Variants in TMEM131 observed in about 807,000 individuals in gnomAD.
TMEM131 encodes the protein transmembrane protein 131.
A neutral mutation model predicts 211.6 loss-of-function variants in TMEM131; 66 were observed. The observed-to-expected ratio is 0.31, with a 90% CI of 0.26 to 0.38. The LOEUF is 0.38. Ranked by LOEUF, TMEM131 falls within the 10% of genes least tolerant of loss-of-function variation. The probability of loss-of-function intolerance (pLI) is 1.00; values close to 1 mark genes in which losing one functional copy is unlikely to be tolerated. For synonymous variants in TMEM131, 844 were observed against 841.3 expected (o/e 1.00, Z -0.06); for missense variants, 2,036 against 2,299.3 (o/e 0.89, Z 2.34).
chr2:97,859,733 T>A (rs1673989456), intron 4 of TMEM131, among the ~76,000 whole-genome samples: 1 of 152,164 alleles, frequency 6.6e-6, no homozygotes, highest in Non-Finnish European at 1.5e-5. Context: ...TTTCTTTCTT[T>A]CTGTACCACC....
intron 31 of TMEM131, among the ~76,000 whole-genome samples, chr2:97,787,221 T>A (rs986551781): frequency 6.6e-6 from 1 of 152,252 alleles, no homozygotes; most frequent in Non-Finnish European, 1.5e-5. Context: ...CACTACATGC[T>A]GTGTAATGAA....
At chr2:97,847,243 C>T (rs1683494995) in intron 5 of TMEM131, among the ~76,000 whole-genome samples, 1 of 152,066 alleles carries the variant, frequency 6.6e-6, no homozygotes, top group Non-Finnish European at 1.5e-5. Context: ...CACATTAGTA[C>T]AGAAGAAAAA....
At chr2:97,853,603 C>A (rs1216942156) in intron 5 of TMEM131, among the ~76,000 whole-genome samples, 1 of 105,182 alleles carries the variant, frequency 9.5e-6, no homozygotes, top group African/African-American at 3.8e-5. Context: ...GAGACCCCGT[C>A]TTGGAAAAAA....
chr2:97,904,040 A>C (rs111445593), intron 3 of TMEM131, among the ~76,000 whole-genome samples: 1 of 152,184 alleles, frequency 6.6e-6, no homozygotes, highest in Non-Finnish European at 1.5e-5. Context: ...AGAAAGACAA[A>C]TCAATAGTTC....
At chr2:97,845,913 A>G (rs1573451404) in intron 5 of TMEM131, among the ~76,000 whole-genome samples, 1 of 152,200 alleles carries the variant, frequency 6.6e-6, no homozygotes, top group Non-Finnish European at 1.5e-5. Flanking sequence ...TTACACACAA[A>G]AAGAATGATA....
intron 5 of TMEM131, among the ~76,000 whole-genome samples, chr2:97,856,144 G>A (rs1205493718): frequency 6.6e-6 from 1 of 152,018 alleles, no homozygotes; most frequent in African/African-American, 2.4e-5. Context: ...AATTGGACTT[G>A]TATAGAATAT....
chr2:97,960,752 CA>C (rs1678778389), intron 1 of TMEM131, among the ~76,000 whole-genome samples: 1 of 152,098 alleles, frequency 6.6e-6, no homozygotes, highest in Non-Finnish European at 1.5e-5. Context: ...CAACAGACTT[CA>C]TTAATGCAGA....
At chr2:97,834,705 T>C (rs767373947) in intron 9 of TMEM131, 28 bp from the exon 10 acceptor site, 1 of 1,595,646 alleles carries the variant, frequency 6.3e-7, no homozygotes, top group South Asian at 1.2e-5. Flanking sequence ...TCAACAATTA[T>C]TTTTCACTTT....
intron 7 of TMEM131, among the ~76,000 whole-genome samples, chr2:97,837,680 T>C (rs1682998701): frequency 6.6e-6 from 1 of 152,212 alleles, no homozygotes; most frequent in Admixed American, 6.5e-5. Flanking sequence ...GCAAAAATAT[T>C]TCTGTGGCTT....
intron 5 of TMEM131, among the ~76,000 whole-genome samples, chr2:97,852,699 C>T (rs772523804): frequency 6.6e-6 from 1 of 152,210 alleles, no homozygotes; most frequent in Non-Finnish European, 1.5e-5. Context: ...CATTGATGAA[C>T]GTGGCCACAC....
At chr2:97,977,106 T>C (rs1679574538) in intron 1 of TMEM131, among the ~76,000 whole-genome samples, 1 of 152,162 alleles carries the variant, frequency 6.6e-6, no homozygotes, top group African/African-American at 2.4e-5. Flanking sequence ...GACCTTGCAT[T>C]AGGCAGAGAT....
chr2:97,980,797 C>A (rs1252068732), intron 1 of TMEM131, among the ~76,000 whole-genome samples: 1 of 151,784 alleles, frequency 6.6e-6, no homozygotes, highest in Non-Finnish European at 1.5e-5. Flanking sequence ...GTAAAATAAA[C>A]CAGTCTTAAA....
intron 1 of TMEM131, among the ~76,000 whole-genome samples, chr2:97,942,126 C>T (rs1677760024): frequency 6.6e-6 from 1 of 151,970 alleles, no homozygotes; most frequent in Non-Finnish European, 1.5e-5. Flanking sequence ...ACATATACAC[C>T]ATGGAATACT....
In TMEM131 at chr2:97,776,033, TAAAGTA is replaced by T; in HGVS notation, c.4145-21_4145-16del. 1 of 1,594,380 alleles carries T rather than the reference TAAAGTA, an allele frequency of 6.3e-7. No individual in the cohort carries two copies. Among genetic ancestry groups the T allele is most frequent in the Non-Finnish European group, 8.5e-7 (1 of 1,174,228 alleles). On this transcript the variant is annotated splice_polypyrimidine_tract_variant and intron_variant, in intron 31 of 40. Coordinates refer to ENST00000186436, the MANE Select transcript of TMEM131 (RefSeq NM_015348.2). ...TTTTCCTTTCCCTGAGGATAAAAAT[TAAAGTA>T]AAAGAACTCTTGTTTTTGTTTCTTT...
At chr2:97,897,368 A>G (rs902674670) in intron 3 of TMEM131, among the ~76,000 whole-genome samples, 2 of 152,124 alleles carry the variant, frequency 1.3e-5, no homozygotes, top group East Asian at 3.8e-4. Flanking sequence ...TTAGAAAGAA[A>G]GCATTCAATC....
rs553587922 is a variant in TMEM131 at position 97,795,237 on chromosome 2, CA to C, written c.3201-123del. The C allele has an allele frequency of 1.1e-3, 693 of 605,734 alleles. 4 individuals are homozygous for C. The highest frequency in any genetic ancestry group is 4.1e-3 in the Middle Eastern group (9 of 2,212). The allele number at this position is 605,734 out of a possible 1,614,324, so 37.5% of individuals were successfully genotyped here. On this transcript the variant is annotated intron_variant, in intron 28 of 40. Transcript: ENST00000186436. ...AGAATTTGCGTTTGATACTTTTACT[CA>C]ACTTCCGTATTTTAAGATGAAAAAA...
intron 19 of TMEM131, among the ~76,000 whole-genome samples, chr2:97,806,858 C>A (rs1476548150): frequency 6.6e-6 from 1 of 152,052 alleles, no homozygotes; most frequent in Non-Finnish European, 1.5e-5. Flanking sequence ...GACACTGAGG[C>A]CAGCGCTCCT....
chr2:97,927,319 AAAATAT>A (rs1264568633), intron 2 of TMEM131, 101 bp downstream of exon 2: 40 of 841,846 alleles, frequency 4.8e-5, no homozygotes, highest in South Asian at 1.9e-4. Flanking sequence ...CAAAGCTCAT[AAAATAT>A]AAATATATTT....
chr2:97,930,108 T>G (rs969168497), intron 1 of TMEM131, among the ~76,000 whole-genome samples: 4 of 151,318 alleles, frequency 2.6e-5, no homozygotes, highest in Non-Finnish European at 5.9e-5. Context: ...AAGACAAATT[T>G]ATTAACATAA....
Sources: allele counts gnomAD v4.1 joint callset (sites outside exome capture counted in the v4.1 genomes callset), GRCh38; gene constraint gnomAD v4.1.1; transcripts MANE v1.5; gene names NCBI Gene and HGNC (gene_info 2026-07-23, HGNC 2026-07-21).